Variants in WBP2NL observed in about 807,000 individuals in gnomAD.
The protein encoded by WBP2NL is WBP2 N-terminal like.
A neutral mutation model predicts 23.3 loss-of-function variants in WBP2NL; 27 were observed. The observed-to-expected ratio is 1.16, with a 90% CI of 0.85 to 1.60. The LOEUF (loss-of-function observed/expected upper bound fraction) is 1.60. WBP2NL is among the 40% of genes most tolerant of loss of function. The pLI is 0.00. For missense variants in WBP2NL, 370 were observed against 389.5 expected, an observed-to-expected ratio of 0.95 and a Z score of 0.42; for synonymous variants, 151 against 145.9, an observed-to-expected ratio of 1.03 and a Z score of -0.25.
At chr22:42,009,311 G>A (rs981513575) in intron 1 of WBP2NL, among the ~76,000 whole-genome samples, 4 of 152,190 alleles carry the variant, frequency 2.6e-5, no homozygotes, top group African/African-American at 9.7e-5. Context: ...CAATTTTTAA[G>A]TTTGATATAG....
intron 1 of WBP2NL, among the ~76,000 whole-genome samples, chr22:42,018,312 CAA>C (rs34200437): frequency 3.7e-4 from 18 of 48,602 alleles, no homozygotes; most frequent in Non-Finnish European, 3.3e-4. Context: ...GACCCTGTCT[CAA>C]AAAAAAAAAA....
intron 5 of WBP2NL, among the ~76,000 whole-genome samples, chr22:42,026,387 G>T (rs982710263): frequency 2.0e-5 from 3 of 151,530 alleles, no homozygotes; most frequent in Non-Finnish European, 4.4e-5. Flanking sequence ...CACCAAAATA[G>T]TAAGTGTTCA....
intron 8 of WBP2NL, among the ~76,000 whole-genome samples, chr22:42,048,869 C>G (rs1343477268): frequency 6.6e-6 from 1 of 151,982 alleles, no homozygotes; most frequent in East Asian, 1.9e-4. Flanking sequence ...CTACAGGTGA[C>G]ATAAAACTCT....
At chr22:42,018,170 G>C (rs1394552120) in intron 1 of WBP2NL, among the ~76,000 whole-genome samples, 1 of 147,680 alleles carries the variant, frequency 6.8e-6, no homozygotes, top group Admixed American at 6.7e-5. Flanking sequence ...AAAAAAATTA[G>C]CCAGGCGTGG....
downstream of WBP2NL, chr22:42,030,003 G>A (rs1268576954): frequency 1.3e-5 from 2 of 152,202 alleles, no homozygotes; most frequent in African/African-American, 4.8e-5. Context: ...TGTTCTCAAG[G>A]ACAGCCTTTC....
chr22:42,002,015 G>GC (rs1348035455), intron 1 of WBP2NL: 1 of 694,848 alleles, frequency 1.4e-6, no homozygotes, highest in Non-Finnish European at 2.2e-6. Flanking sequence ...TCCGAGAATC[G>GC]GCTTTGACTC....
intron 1 of WBP2NL, among the ~76,000 whole-genome samples, chr22:42,013,294 G>A (rs1282100063): frequency 6.6e-6 from 1 of 151,554 alleles, no homozygotes; most frequent in Non-Finnish European, 1.5e-5. Context: ...GCTGAGGCAG[G>A]AGAATCACTT....
intron 8 of WBP2NL, among the ~76,000 whole-genome samples, chr22:42,046,094 G>T (rs1468025290): frequency 6.6e-6 from 1 of 152,192 alleles, no homozygotes; most frequent in East Asian, 1.9e-4. Context: ...TGTGTGAAAG[G>T]TCCCAGAATC....
chr22:42,019,200 A>G (rs1923638049), intron 1 of WBP2NL, 111 bp from the exon 2 acceptor site: 1 of 936,576 alleles, frequency 1.1e-6, no homozygotes, highest in Non-Finnish European at 1.6e-6. Flanking sequence ...CCGCCTGGGC[A>G]ACAGAGTAAG....
Position 42,019,336 on chromosome 22 carries a change from G to T in WBP2NL, c.88G>T (p.Glu30Ter). ...ESLLKRSPNVELSFPQRSEGS... is the reference protein window; with the variant it reads ...ESLLKRSPNV ...TCTCTTGAAGCGGTCTCCGAATGTG[G>T]AGCTCTCCTTCCCACAGCGATCAGA... Residue 30 changes from glutamate to a stop codon, truncating the protein, a stop_gained, in exon 2 of 6, where the codon GAG (glutamate) becomes TAG (stop). Coordinates refer to ENST00000328823, the MANE Select transcript of WBP2NL (RefSeq NM_152613.3). LOFTEE classifies it high-confidence loss of function. 1 of 1,614,098 alleles carries T rather than the reference G, an allele frequency of 6.2e-7. No homozygotes were observed. Among genetic ancestry groups the T allele is most frequent in the Non-Finnish European group, 8.5e-7 (1 of 1,180,032 alleles).
chr22:42,001,103 A>G, intron 1 of WBP2NL: 13 of 1,042,696 alleles, frequency 1.2e-5, no homozygotes, highest in Middle Eastern at 2.8e-4. Context: ...ATACAAGACA[A>G]GCACAAAAGC....
chr22:42,024,803 C>CT (rs133345), intron 5 of WBP2NL, among the ~76,000 whole-genome samples: 133 of 124,878 alleles, frequency 1.1e-3, no homozygotes, highest in South Asian at 1.8e-3. Context: ...TTGATAATGA[C>CT]TTTTTTTTTT....
Position 42,054,304 on chromosome 22 carries a change from C to T in WBP2NL, c.*274-3986C>T, listed in dbSNP as rs962071270. On this transcript the variant is annotated intron_variant and NMD_transcript_variant, in intron 8 of 8. Transcript: ENST00000436265. ...CAAGCAATTCTCCTGCTTTAGCCTCCTGAGCAGCTGGGATTACAGGCGCAT... is the reference window on the plus strand; with the variant it reads ...CAAGCAATTCTCCTGCTTTAGCCTCTTGAGCAGCTGGGATTACAGGCGCAT... Among the ~76,000 whole-genome samples the T allele has an allele frequency of 1.3e-5, 2 of 152,096 alleles. 1 individual carries two copies. The highest frequency in any genetic ancestry group is 4.1e-4 in the South Asian group (2 of 4,828).
intron 1 of WBP2NL, among the ~76,000 whole-genome samples, chr22:42,008,672 A>G (rs1922523404): frequency 6.6e-6 from 1 of 152,020 alleles, no homozygotes. Flanking sequence ...CAATGGTGCG[A>G]TCTCAGCTCA....
chr22:42,025,800 T>C (rs113456199), intron 5 of WBP2NL, among the ~76,000 whole-genome samples: 1 of 152,206 alleles, frequency 6.6e-6, no homozygotes, highest in African/African-American at 2.4e-5. Flanking sequence ...CTTTGGGGAA[T>C]GTAACCCAAG....
intron 1 of WBP2NL, among the ~76,000 whole-genome samples, chr22:42,000,001 C>T (rs1017703193): frequency 2.0e-5 from 3 of 152,154 alleles, no homozygotes; most frequent in Non-Finnish European, 4.4e-5. Context: ...CCCCCTTTCC[C>T]GTTTCCTACA....
At chr22:42,040,109 C>T (rs1208254149) in intron 8 of WBP2NL, among the ~76,000 whole-genome samples, 1 of 151,690 alleles carries the variant, frequency 6.6e-6, no homozygotes, top group Admixed American at 6.6e-5. Context: ...CATGGGGTTT[C>T]ACTATGTTGG....
chr22:42,013,798 TGAGA>T (rs372368325), intron 1 of WBP2NL, among the ~76,000 whole-genome samples: 1 of 151,782 alleles, frequency 6.6e-6, no homozygotes, highest in Non-Finnish European at 1.5e-5. Flanking sequence ...TTTTTTTTTT[TGAGA>T]GAGAGTCTCA....
At chr22:42,007,764 G>T (rs1020382716) in intron 1 of WBP2NL, among the ~76,000 whole-genome samples, 2 of 152,170 alleles carry the variant, frequency 1.3e-5, no homozygotes, top group African/African-American at 4.8e-5. Context: ...ATATTCCATT[G>T]TATGTATGTG....
Sources: allele counts gnomAD v4.1 joint callset (sites outside exome capture counted in the v4.1 genomes callset), GRCh38; gene constraint gnomAD v4.1.1; transcripts MANE v1.5; gene names NCBI Gene and HGNC (gene_info 2026-07-23, HGNC 2026-07-21).